The following PLOD2 variants were observed in gnomAD, a reference collection of about 807,000 sequenced individuals.
PLOD2 encodes lysine hydroxylase 2.
In PLOD2, 65 loss-of-function variants were observed where a neutral mutation model predicts 101.0. The observed-to-expected ratio is 0.64, with a 90% confidence interval of 0.53 to 0.79. PLOD2 has a LOEUF of 0.79. PLOD2 is among the 30% of genes least tolerant of loss of function. The pLI, the probability that PLOD2 is intolerant of heterozygous loss-of-function variation, is 0.00. For missense variants in PLOD2, 909 were observed against 914.6 expected, an observed-to-expected ratio of 0.99 and a Z score of 0.08; for synonymous variants, 314 against 302.9, an observed-to-expected ratio of 1.04 and a Z score of -0.38.
chr3:146,127,133 T>C (rs970412194), intron 1 of PLOD2, among the ~76,000 whole-genome samples: 2 of 152,218 alleles, frequency 1.3e-5, no homozygotes, highest in African/African-American at 4.8e-5. Context: ...TTCGTATGGT[T>C]CAGCAATATG....
intron 1 of PLOD2, among the ~76,000 whole-genome samples, chr3:146,155,800 A>C (rs995239936): frequency 4.6e-5 from 7 of 152,126 alleles, no homozygotes; most frequent in Admixed American, 3.9e-4. Flanking sequence ...AACAAATGCA[A>C]ATGAGTAAGA....
chr3:146,087,325 A>G (rs1435943247), intron 9 of PLOD2, among the ~76,000 whole-genome samples: 1 of 151,982 alleles, frequency 6.6e-6, no homozygotes, highest in Admixed American at 6.6e-5. Context: ...TCTACTAAGC[A>G]TAATAGCCAT....
rs868769526 is a variant in PLOD2, at chr3:146,097,803, A to T, written c.777+4952T>A. ...CACCCAAGAATGATCAATAAAAAAA[A>T]AATAATAATAATAATAATAATAAAA... On this transcript the variant is annotated intron_variant, in intron 7 of 19. Transcript: ENST00000282903. 2.8e-3 allele frequency among the ~76,000 whole-genome samples: 392 copies of T among 142,100 alleles called. 2 individuals are homozygous for T. The highest frequency in any genetic ancestry group is 4.4e-3 in the African/African-American group (166 of 38,116). The allele number at this position is 142,100 out of a possible 152,430, so 93.2% of individuals were successfully genotyped here. A position where few individuals can be genotyped will look rare whatever the true frequency, so the allele number is the denominator to read the frequency against.
At chr3:146,077,645 C>A in intron 14 of PLOD2, 5 of 440,684 alleles carry the variant, frequency 1.1e-5, no homozygotes, top group Non-Finnish European at 8.0e-6. Context: ...ACCTGTCAGC[C>A]ATAAAATATA....
At chr3:146,125,121 C>T (rs112799262) in intron 1 of PLOD2, among the ~76,000 whole-genome samples, 176 of 152,070 alleles carry the variant, frequency 1.2e-3, no homozygotes, top group Non-Finnish European at 2.0e-3. Context: ...AGGACCTACA[C>T]ACTAAGAAAG....
chr3:146,134,156 A>G (rs1423677331), intron 1 of PLOD2, among the ~76,000 whole-genome samples: 1 of 152,202 alleles, frequency 6.6e-6, no homozygotes, highest in African/African-American at 2.4e-5. Context: ...ATTTTAGTGG[A>G]AAGAACTGGC....
In PLOD2 at chr3:146,076,885, A is replaced by G; in HGVS notation, c.1574T>C (p.Met525Thr). The change falls in exon 15 of 20, where the codon ATG becomes ACG. Residue 525 changes from methionine (M) to threonine (T), a missense_variant. Coordinates refer to ENST00000282903, the MANE Select transcript of PLOD2 (RefSeq NM_182943.3). The stretch of plus-strand genomic sequence containing the variant: ...AAATTCATGTCTATTAGAAATGTAC[A>G]TAAATACACCCTATATGCCAGAAAA... ...QMLSPPKGVF[M>T]YISNRHEFGR... The G allele has an allele frequency of 6.5e-7, 1 of 1,538,822 alleles. No homozygotes were observed. The highest frequency in any genetic ancestry group is 9.0e-7 in the Non-Finnish European group (1 of 1,112,592).
Position 146,161,011 on chromosome 3 carries a change from C to T in PLOD2, c.-22G>A, listed in dbSNP as rs572397140. On this transcript the variant is annotated 5_prime_UTR_variant, in exon 1 of 20. Coordinates refer to ENST00000282903, the MANE Select transcript of PLOD2 (RefSeq NM_182943.3). ...CCATATTCGGCCCTCGAGGGCCGCG[C>T]GGGCTCAGGCGCCCACGGCCCCGCA... 2.7e-6 allele frequency: 4 copies of T among 1,465,870 alleles called. No individual in the cohort carries two copies. The African/African-American group carries it at 4.2e-5, about 15-fold the overall frequency. The allele number at this position is 1,465,870 out of a possible 1,614,324, so 90.8% of individuals were successfully genotyped here.
At chr3:146,132,059 G>T (rs1379659789) in intron 1 of PLOD2, among the ~76,000 whole-genome samples, 1 of 152,126 alleles carries the variant, frequency 6.6e-6, no homozygotes, top group East Asian at 1.9e-4. Context: ...TACATAGAGG[G>T]CATCTTCACA....
At chr3:146,139,011 T>C (rs1320373396) in intron 1 of PLOD2, among the ~76,000 whole-genome samples, 1 of 152,150 alleles carries the variant, frequency 6.6e-6, no homozygotes, top group African/African-American at 2.4e-5. Context: ...GACTCAAGTT[T>C]AACAGGATTA....
At chr3:146,137,215 TC>T (rs2031281329) in intron 1 of PLOD2, among the ~76,000 whole-genome samples, 1 of 152,156 alleles carries the variant, frequency 6.6e-6, no homozygotes, top group Admixed American at 6.5e-5. Context: ...GGAATACAGC[TC>T]CATAATGTTG....
rs767777273 is a variant in PLOD2 at position 146,110,441 on chromosome 3, C to T, written c.346G>A (p.Val116Ile). 2.5e-6 allele frequency: 4 copies of T among 1,610,320 alleles called. No homozygotes were observed. The East Asian group carries it at 9.0e-5, about 36-fold the overall frequency. ...TCTTCTGGACCACCAGCAAATATGACATCAAAGCTGTTCAATGAGGAAAAA... is the reference window on the plus strand; with the variant it reads ...TCTTCTGGACCACCAGCAAATATGATATCAAAGCTGTTCAATGAGGAAAAA... Reference protein sequence around the residue: ...LVVMFTECFDVIFAGGPEEVL... With the variant: ...LVVMFTECFDIIFAGGPEEVL... Residue 116 changes from valine (V) to isoleucine (I), a missense_variant, in exon 4 of 20, where the codon GTC becomes ATC. Coordinates refer to ENST00000282903, the MANE Select transcript of PLOD2 (RefSeq NM_182943.3).
chr3:146,075,487 TAAAAAAAAAA>T (rs35706246), intron 15 of PLOD2, among the ~76,000 whole-genome samples: 13 of 93,656 alleles, frequency 1.4e-4, no homozygotes, highest in Non-Finnish European at 2.5e-4. Flanking sequence ...CTCAAATCTG[TAAAAAAAAAA>T]AAAAAAAAAA....
intron 8 of PLOD2, among the ~76,000 whole-genome samples, chr3:146,089,620 G>A (rs1239041574): frequency 6.6e-6 from 1 of 151,288 alleles, no homozygotes; most frequent in East Asian, 1.9e-4. Flanking sequence ...TTTCATACAC[G>A]GTACCTCACA....
intron 3 of PLOD2, among the ~76,000 whole-genome samples, chr3:146,112,503 C>T (rs552474566): frequency 7.9e-5 from 12 of 151,426 alleles, no homozygotes; most frequent in African/African-American, 1.5e-4. Context: ...TGTCGGTGGG[C>T]GGGGGGCAAG....
intron 1 of PLOD2, among the ~76,000 whole-genome samples, chr3:146,148,162 A>C (rs1275003142): frequency 6.6e-6 from 1 of 152,272 alleles, no homozygotes; most frequent in Admixed American, 6.5e-5. Flanking sequence ...CCAACTATAA[A>C]AAGACATACT....
Position 146,161,124 on chromosome 3 carries a change from C to A in PLOD2, c.-135G>T. On this transcript the variant is annotated 5_prime_UTR_variant, in exon 1 of 20. Coordinates refer to ENST00000282903, the MANE Select transcript of PLOD2 (RefSeq NM_182943.3). ...GGAGCCGGCGGGCAAGGCGCGCGGC[C>A]GGCAGCCGGAGCGGCGCGTAACGCA... 2.1e-6 allele frequency: 1 copy of A among 465,904 alleles called. No homozygotes were observed. 28.9% of individuals were successfully genotyped at this position (465,904 alleles called of 1,614,324 possible).
intron 1 of PLOD2, among the ~76,000 whole-genome samples, chr3:146,156,881 G>C (rs982696078): frequency 6.6e-6 from 1 of 152,130 alleles, no homozygotes; most frequent in African/African-American, 2.4e-5. Context: ...GCTTGTGCAA[G>C]GTATGTAACC....
At chr3:146,082,013 G>T (rs559872333) in intron 11 of PLOD2, 150 bp from the exon 12 acceptor site, 4 of 504,040 alleles carry the variant, frequency 7.9e-6, no homozygotes, top group South Asian at 4.6e-5. Context: ...AATAAAATAA[G>T]GATCTTCTTT....
Sources: allele counts gnomAD v4.1 joint callset (sites outside exome capture counted in the v4.1 genomes callset), GRCh38; gene constraint gnomAD v4.1.1; transcripts MANE v1.5; gene names NCBI Gene and HGNC (gene_info 2026-07-23, HGNC 2026-07-21).